The following KAZN variants were observed in gnomAD, a reference collection of about 807,000 sequenced individuals.
KAZN encodes kazrin.
KAZN carries 40 observed loss-of-function variants against 87.4 expected under a neutral mutation model. The observed-to-expected ratio is 0.46, with a 90% CI of 0.36 to 0.60. The LOEUF (loss-of-function observed/expected upper bound fraction) is 0.60, where lower values mean the gene tolerates loss of function less well. Among genes scored for constraint, KAZN ranks in the 20% least tolerant of loss-of-function variants. The pLI is 0.00. For synonymous variants in KAZN, 466 were observed against 458.3 expected, an observed-to-expected ratio of 1.02 and a Z score of -0.22; for missense variants, 898 against 1,073.9, an observed-to-expected ratio of 0.84 and a Z score of 2.29.
chr1:14,979,607 G>C (rs1313704620), intron 2 of KAZN, among the ~76,000 whole-genome samples: 2 of 152,018 alleles, frequency 1.3e-5, no homozygotes, highest in African/African-American at 4.8e-5. Context: ...ATCCTTGGGG[G>C]CAAAGGCTTC....
chr1:13,978,089 C>G (rs12061711), intron 1 of KAZN, among the ~76,000 whole-genome samples: 1 of 132,108 alleles, frequency 7.6e-6, no homozygotes, highest in Non-Finnish European at 1.5e-5. Context: ...GATCGTGCCA[C>G]TGCACTCCAG....
At chr1:15,042,873 T>C (rs1673059927) in intron 3 of KAZN, among the ~76,000 whole-genome samples, 2 of 152,132 alleles carry the variant, frequency 1.3e-5, no homozygotes, top group Admixed American at 1.3e-4. Flanking sequence ...TTTGATTTGG[T>C]GAATGGGAAG....
At chr1:14,008,887 C>T (rs941858164) in intron 1 of KAZN, among the ~76,000 whole-genome samples, 4 of 152,130 alleles carry the variant, frequency 2.6e-5, no homozygotes, top group African/African-American at 9.7e-5. Context: ...ATTGTGCAAC[C>T]ATCACCACCA....
chr1:14,848,743 G>A (rs927255104), intron 1 of KAZN, among the ~76,000 whole-genome samples: 6 of 152,194 alleles, frequency 3.9e-5, no homozygotes. Context: ...CATCCCCCAT[G>A]CTATACATCA....
intron 2 of KAZN, among the ~76,000 whole-genome samples, chr1:14,228,253 A>G (rs558387520): frequency 6.6e-6 from 1 of 152,306 alleles, no homozygotes; most frequent in South Asian, 2.1e-4. Context: ...CAGGGGCTCT[A>G]TTATGTTATG....
At chr1:14,044,975 A>G (rs1431669892) in intron 1 of KAZN, among the ~76,000 whole-genome samples, 1 of 152,190 alleles carries the variant, frequency 6.6e-6, no homozygotes. Flanking sequence ...CATCTACCCC[A>G]AGACCACTAT....
chr1:14,119,250 T>C (rs1316081876), intron 1 of KAZN, among the ~76,000 whole-genome samples: 3 of 152,322 alleles, frequency 2.0e-5, no homozygotes, highest in Middle Eastern at 3.4e-3. Context: ...AGATTTTTCC[T>C]TGCTGGAGAG....
At chr1:14,762,418 C>T (rs1449623630) in intron 1 of KAZN, among the ~76,000 whole-genome samples, 1 of 152,098 alleles carries the variant, frequency 6.6e-6, no homozygotes, top group South Asian at 2.1e-4. Context: ...ACCTTCCTGG[C>T]ATGGTGGCAT....
At chr1:13,969,812 A>T (rs1642073502) in intron 1 of KAZN, among the ~76,000 whole-genome samples, 1 of 152,176 alleles carries the variant, frequency 6.6e-6, no homozygotes. Flanking sequence ...ATTTTCAGGT[A>T]GGCTCCATGT....
intron 1 of KAZN, among the ~76,000 whole-genome samples, chr1:14,669,088 G>A (rs1639754055): frequency 6.6e-6 from 1 of 152,170 alleles, no homozygotes; most frequent in South Asian, 2.1e-4. Flanking sequence ...GCTTGGAAAT[G>A]ATGGGAAACT....
chr1:15,030,961 CA>C (rs1228731900), intron 2 of KAZN, among the ~76,000 whole-genome samples: 1 of 152,254 alleles, frequency 6.6e-6, no homozygotes, highest in Non-Finnish European at 1.5e-5. Flanking sequence ...GCCTGCCTTC[CA>C]CCTGGGGAGC....
intron 1 of KAZN, among the ~76,000 whole-genome samples, chr1:14,605,381 A>T (rs924222613): frequency 2.0e-5 from 3 of 152,254 alleles, no homozygotes; most frequent in African/African-American, 7.2e-5. Context: ...CACAGTAAAA[A>T]ATCTGTCTAT....
intron 1 of KAZN, among the ~76,000 whole-genome samples, chr1:14,043,232 G>T (rs1209163971): frequency 6.6e-6 from 1 of 152,152 alleles, no homozygotes; most frequent in Non-Finnish European, 1.5e-5. Flanking sequence ...CTGTGTCGTA[G>T]CGTGTGTCAG....
intron 1 of KAZN, among the ~76,000 whole-genome samples, chr1:14,885,436 A>G (rs2101125500): frequency 6.6e-6 from 1 of 152,262 alleles, no homozygotes; most frequent in South Asian, 2.1e-4. Context: ...CCCCAGGAAA[A>G]TATCTCTGAT....
At chr1:14,058,754 C>A (rs1570636962) in intron 1 of KAZN, among the ~76,000 whole-genome samples, 1 of 152,074 alleles carries the variant, frequency 6.6e-6, no homozygotes, top group Non-Finnish European at 1.5e-5. Flanking sequence ...GGAGGAGGGA[C>A]CTAGTTTAGA....
intron 2 of KAZN, among the ~76,000 whole-genome samples, chr1:14,537,506 C>G (rs865791334): frequency 5.3e-5 from 8 of 152,328 alleles, no homozygotes; most frequent in African/African-American, 7.2e-5. Context: ...GGGCACTAAC[C>G]AGCTGTTTCC....
chr1:14,067,920 A>G (rs2101543777), intron 1 of KAZN, among the ~76,000 whole-genome samples: 1 of 152,284 alleles, frequency 6.6e-6, no homozygotes, highest in African/African-American at 2.4e-5. Flanking sequence ...CCCAGCAGAA[A>G]GAGAGGTTTT....
intron 2 of KAZN, among the ~76,000 whole-genome samples, chr1:14,542,261 A>G (rs1672856216): frequency 7.7e-6 from 1 of 129,570 alleles, no homozygotes; most frequent in Admixed American, 9.4e-5. Context: ...ACATGGACAC[A>G]GGAAGGGGAA....
intron 1 of KAZN, among the ~76,000 whole-genome samples, chr1:14,920,771 C>T (rs919403571): frequency 2.0e-5 from 3 of 152,168 alleles, no homozygotes; most frequent in Non-Finnish European, 4.4e-5. Context: ...GAAGCTGGCT[C>T]TGCAAAGGGA....
Sources: gnomAD v4.1 joint callset for allele counts (sites outside exome capture counted in the v4.1 genomes callset) on GRCh38, gnomAD v4.1.1 for gene constraint, MANE v1.5 for transcripts, NCBI Gene and HGNC (gene_info 2026-07-23, HGNC 2026-07-21) for gene names.